Variants in RAB9B observed in about 807,000 individuals in gnomAD.
RAB9B encodes RAB9B, member RAS oncogene family.
RAB9B carries 1 observed loss-of-function variant against 8.9 expected under a neutral mutation model. The observed-to-expected ratio is 0.11, with a 90% CI of 0.04 to 0.53. The LOEUF is 0.53. Among genes scored for constraint, RAB9B ranks in the 20% least tolerant of loss-of-function variants. The probability of loss-of-function intolerance (pLI) is 0.93; values close to 1 mark genes in which losing one functional copy is unlikely to be tolerated. For missense variants in RAB9B, 82 were observed against 152.9 expected, an observed-to-expected ratio of 0.54 and a Z score of 2.45; for synonymous variants, 63 against 57.0, an observed-to-expected ratio of 1.10 and a Z score of -0.47.
At chrX:103,821,845 A>G (rs1014503830), downstream of RAB9B, among the ~76,000 whole-genome samples, 3 of 111,802 alleles carry the variant, frequency 2.7e-5, no homozygotes, top group African/African-American at 9.8e-5. Flanking sequence ...TATATTGCAG[A>G]TTGAAATCTG....
the RAB9B span, among the ~76,000 whole-genome samples, chrX:103,795,997 A>G: frequency 2.7e-5 from 3 of 112,666 alleles, no homozygotes; most frequent in African/African-American, 9.7e-5. Flanking sequence ...CTGAAAGGAC[A>G]AAAGTAAATT....
chrX:103,816,438 G>A, the RAB9B span, among the ~76,000 whole-genome samples: 6 of 111,625 alleles, frequency 5.4e-5, no homozygotes, highest in Non-Finnish European at 9.4e-5. Context: ...ATTCAAGATG[G>A]ATTAAAGTCT....
At chrX:103,789,105 T>C in the RAB9B span, 1 of 444,268 alleles carries the variant, frequency 2.3e-6, no homozygotes, top group African/African-American at 2.4e-5. Flanking sequence ...TTTGGAGTAC[T>C]GTACTATTTC....
the RAB9B span, among the ~76,000 whole-genome samples, chrX:103,797,216 T>G: frequency 8.5e-5 from 7 of 82,743 alleles, no homozygotes. Context: ...GCCTCCAGAG[T>G]AGCTGGGACT....
the RAB9B span, among the ~76,000 whole-genome samples, chrX:103,805,783 T>A: frequency 8.9e-6 from 1 of 111,926 alleles, no homozygotes; most frequent in Non-Finnish European, 1.9e-5. Flanking sequence ...TTCTTTAAGG[T>A]GATACTTTAT....
chrX:103,790,150 A>C, the RAB9B span, among the ~76,000 whole-genome samples: 66 of 112,668 alleles, frequency 5.9e-4, 1 homozygote, highest in Non-Finnish European at 3.2e-4. Flanking sequence ...GCTCTACTGC[A>C]TGATGTGGCT....
At position 103,823,390 on chromosome X, in the gene RAB9B, T is replaced by C. The variant is rs2074670570; in HGVS notation, c.*1789A>G. The C allele has an allele frequency of 1.8e-5, 2 of 111,604 alleles. No homozygotes were observed. Among genetic ancestry groups the C allele is most frequent in the South Asian group, 3.8e-4 (1 of 2,629 alleles). The allele number at this position is 111,604 out of a possible 1,213,427, so 9.2% of individuals were successfully genotyped here. Reference sequence around the variant, plus strand: ...ATTGGAAATATTGAGTATGACTGAGTTGAAATACTGTCCTCTTCTTTTCTA... The same window carrying C: ...ATTGGAAATATTGAGTATGACTGAGCTGAAATACTGTCCTCTTCTTTTCTA... On this transcript the variant is annotated 3_prime_UTR_variant, in exon 3 of 3. Coordinates refer to ENST00000243298, the MANE Select transcript of RAB9B (RefSeq NM_016370.4).
At chrX:103,790,917 A>T in the RAB9B span, 1 of 308,241 alleles carries the variant, frequency 3.2e-6, no homozygotes, top group Non-Finnish European at 5.7e-6. Context: ...TGAGGATCAG[A>T]AAGTAATTTC....
At chrX:103,782,061 G>A in the RAB9B span, among the ~76,000 whole-genome samples, 1 of 112,262 alleles carries the variant, frequency 8.9e-6, no homozygotes, top group African/African-American at 3.2e-5. Context: ...CAACTACTTT[G>A]ATGAAAAAAT....
At chrX:103,816,419 C>T in the RAB9B span, among the ~76,000 whole-genome samples, 204 of 111,667 alleles carry the variant, frequency 1.8e-3, no homozygotes, top group African/African-American at 6.2e-3. Context: ...ACACCTTATA[C>T]AAAAATTAAT....
At chrX:103,794,904 C>T in the RAB9B span, among the ~76,000 whole-genome samples, 250 of 112,037 alleles carry the variant, frequency 2.2e-3, no homozygotes, top group Non-Finnish European at 3.4e-3. Flanking sequence ...TGTTCTGAGA[C>T]TCCTTGAATT....
chrX:103,799,832 T>C, the RAB9B span, among the ~76,000 whole-genome samples: 2 of 111,919 alleles, frequency 1.8e-5, no homozygotes, highest in African/African-American at 6.5e-5. Context: ...TCCACACAGA[T>C]GAAGACATAT....
At chrX:103,810,608 A>G in the RAB9B span, among the ~76,000 whole-genome samples, 3 of 111,788 alleles carry the variant, frequency 2.7e-5, no homozygotes, top group Non-Finnish European at 5.6e-5. Context: ...TTTCCTGTCT[A>G]TTGTTATAGC....
At chrX:103,807,527 C>T in the RAB9B span, among the ~76,000 whole-genome samples, 2 of 112,328 alleles carry the variant, frequency 1.8e-5, no homozygotes, top group African/African-American at 6.5e-5. Context: ...CCCTCCCTGC[C>T]TTTCCCACTG....
the RAB9B span, among the ~76,000 whole-genome samples, chrX:103,811,399 A>C: frequency 8.9e-6 from 1 of 112,071 alleles, no homozygotes; most frequent in Non-Finnish European, 1.9e-5. Flanking sequence ...ATACCATAAA[A>C]TAGACCTAAT....
At chrX:103,810,198 C>G in the RAB9B span, among the ~76,000 whole-genome samples, 1 of 111,604 alleles carries the variant, frequency 9.0e-6, no homozygotes, top group African/African-American at 3.3e-5. Context: ...AAAGAAGGCA[C>G]CAGCTAGGCA....
At chrX:103,788,243 C>G in the RAB9B span, among the ~76,000 whole-genome samples, 1 of 111,898 alleles carries the variant, frequency 8.9e-6, no homozygotes, top group African/African-American at 3.3e-5. Context: ...CAATAACAAA[C>G]ACAAGGTTTC....
chrX:103,779,745 C>T, the RAB9B span: 2 of 111,842 alleles, frequency 1.8e-5, no homozygotes, highest in Non-Finnish European at 3.8e-5. Flanking sequence ...AACCTCAACC[C>T]TGGGAGGTGG....
At chrX:103,785,019 A>G in the RAB9B span, among the ~76,000 whole-genome samples, 1 of 112,040 alleles carries the variant, frequency 8.9e-6, no homozygotes, top group South Asian at 3.6e-4. Context: ...AATTATTATT[A>G]TTTATTAAAT....
Sources: gnomAD v4.1 joint callset for allele counts (sites outside exome capture counted in the v4.1 genomes callset) on GRCh38, gnomAD v4.1.1 for gene constraint, MANE v1.5 for transcripts, NCBI Gene and HGNC (gene_info 2026-07-23, HGNC 2026-07-21) for gene names.